MAP2K5: variants seen among roughly 807,000 people sequenced by gnomAD.
MAP2K5 encodes the protein mitogen-activated protein kinase kinase 5.
In MAP2K5, 49 loss-of-function variants were observed where a neutral mutation model predicts 83.1. The ratio of observed to expected loss-of-function variants is 0.59; its 90% CI spans 0.47 to 0.75. The LOEUF is 0.75. Ranked by LOEUF, MAP2K5 falls within the 30% of genes least tolerant of loss-of-function variation. The probability of loss-of-function intolerance (pLI) is 0.00; values close to 1 mark genes in which losing one functional copy is unlikely to be tolerated. For synonymous variants in MAP2K5, 202 were observed against 191.8 expected (o/e 1.05, Z -0.44); for missense variants, 457 against 557.5 (o/e 0.82, Z 1.82).
At chr15:67,709,874 C>T (rs1295160794) in intron 16 of MAP2K5, among the ~76,000 whole-genome samples, 10 of 152,190 alleles carry the variant, frequency 6.6e-5, no homozygotes, top group Admixed American at 6.5e-4. Flanking sequence ...AAAAAGGCAC[C>T]AAGCCAGTCC....
intron 3 of MAP2K5, among the ~76,000 whole-genome samples, chr15:67,567,059 T>C (rs1234449778): frequency 6.6e-6 from 1 of 152,224 alleles, no homozygotes; most frequent in African/African-American, 2.4e-5. Context: ...TTTTCTTCAT[T>C]AGAGATATTT....
chr15:67,723,371 G>T (rs552789419), intron 16 of MAP2K5, among the ~76,000 whole-genome samples: 4 of 152,206 alleles, frequency 2.6e-5, no homozygotes, highest in African/African-American at 9.6e-5. Flanking sequence ...GATTGTGGTT[G>T]GCCAAGTCAA....
intron 8 of MAP2K5, among the ~76,000 whole-genome samples, chr15:67,610,208 A>G (rs1002167834): frequency 3.3e-5 from 5 of 152,204 alleles, no homozygotes; most frequent in South Asian, 2.1e-4. Context: ...TTGAAAGTCA[A>G]TGATGTATCA....
At chr15:67,673,353 G>A (rs1331870179) in intron 13 of MAP2K5, among the ~76,000 whole-genome samples, 10 of 151,962 alleles carry the variant, frequency 6.6e-5, no homozygotes. Flanking sequence ...AAATAGTGTA[G>A]GCAGGTAAAT....
intron 13 of MAP2K5, among the ~76,000 whole-genome samples, chr15:67,675,999 C>T (rs2087672854): frequency 6.6e-6 from 1 of 152,128 alleles, no homozygotes; most frequent in African/African-American, 2.4e-5. Flanking sequence ...CTCTAAAAGC[C>T]TTCTGACTTG....
At chr15:67,590,468 T>TCTCTCTCTCTCTCTCTCTCC (rs59998974) in intron 6 of MAP2K5, among the ~76,000 whole-genome samples, 1 of 27,226 alleles carries the variant, frequency 3.7e-5, no homozygotes, top group Non-Finnish European at 7.5e-5. Context: ...TCTCTCTCTC[T>TCTCTCTCTCTCTCTCTCTCC]CTCTCTCTTT....
chr15:67,543,308 C>G lies in MAP2K5; in HGVS notation c.-28C>G, dbSNP rs1196638625. ...CCAGCGGCCAGTGGGTTTCCCATAC[C>G]CCAGGATGTGAGCCTCTTTAACCTG... On this transcript the variant is annotated 5_prime_UTR_variant, in exon 1 of 22. Coordinates refer to ENST00000178640, the MANE Select transcript of MAP2K5 (RefSeq NM_145160.3). The surrounding 1 kb of genome is among the most constrained non-coding windows in gnomAD (Gnocchi z 4.3). 6.2e-7 allele frequency: 1 copy of G among 1,613,916 alleles called. No individual in the cohort carries two copies. Among genetic ancestry groups the G allele is most frequent in the Non-Finnish European group, 8.5e-7 (1 of 1,179,864 alleles).
chr15:67,662,495 G>C (rs953867112), intron 12 of MAP2K5, among the ~76,000 whole-genome samples: 1 of 152,158 alleles, frequency 6.6e-6, no homozygotes, highest in African/African-American at 2.4e-5. Context: ...ATAGTGATTT[G>C]TTCAGTGTAT....
chr15:67,753,616 G>A (rs888943217), intron 19 of MAP2K5, among the ~76,000 whole-genome samples: 7 of 151,958 alleles, frequency 4.6e-5, no homozygotes, highest in African/African-American at 1.7e-4. Context: ...TTAAGGAAAT[G>A]CAAATCAAAA....
At chr15:67,623,588 T>TA (rs2086236549) in intron 8 of MAP2K5, among the ~76,000 whole-genome samples, 1 of 129,348 alleles carries the variant, frequency 7.7e-6, no homozygotes, top group Non-Finnish European at 1.6e-5. Context: ...TTTGAAAACT[T>TA]ACTATCTTCC....
In MAP2K5 at chr15:67,806,752, G is replaced by A; in HGVS notation, c.*2G>A. On this transcript the variant is annotated 3_prime_UTR_variant, in exon 22 of 22. Coordinates refer to ENST00000178640, the MANE Select transcript of MAP2K5 (RefSeq NM_145160.3). ...CGGAGCCAGCAGGGGCCCCCGTGAG[G>A]CTGCCGCAGGGCACTGAAAGCCCAG... 1 of 1,558,448 alleles carries A rather than the reference G, an allele frequency of 6.4e-7. No homozygotes were observed.
intron 16 of MAP2K5, among the ~76,000 whole-genome samples, chr15:67,713,977 C>G (rs770730394): frequency 1.3e-4 from 20 of 152,162 alleles, no homozygotes; most frequent in Non-Finnish European, 5.9e-5. Context: ...GTTTGTCACT[C>G]CAAGTGTCAG....
rs148378812 is a variant in MAP2K5 at position 67,607,580 on chromosome 15, C to T, written c.545+6831C>T. Among the ~76,000 whole-genome samples the T allele has an allele frequency of 9.0e-4, 137 of 152,304 alleles. 1 individual carries two copies. The highest frequency in any genetic ancestry group is 6.8e-3 in the Middle Eastern group (2 of 294). On this transcript the variant is annotated intron_variant, in intron 8 of 21. Coordinates refer to ENST00000178640, the MANE Select transcript of MAP2K5 (RefSeq NM_145160.3). The stretch of plus-strand genomic sequence containing the variant: ...AGGTCGCTGAGCAGAGATTTTCAGA[C>T]TCAGTTTCCACCCGAATTAACTATT...
chr15:67,807,019 TC>T lies in MAP2K5; in HGVS notation c.*272del. On this transcript the variant is annotated 3_prime_UTR_variant, in exon 22 of 22. Transcript: ENST00000178640. The surrounding 1 kb of genome is among the most constrained non-coding windows in gnomAD (Gnocchi z 5.1). ...GCATTGAGAATGGAGGCTCCCAGGG[TC>T]CCTGCCCACTTCTGTTTTCCTAATG... is the stretch of plus-strand genomic sequence containing the variant. The T allele has an allele frequency of 7.3e-7, 1 of 1,375,762 alleles. No individual in the cohort carries two copies. Among genetic ancestry groups the T allele is most frequent in the Non-Finnish European group, 9.6e-7 (1 of 1,042,224 alleles). 85.2% of individuals were successfully genotyped at this position (1,375,762 alleles called of 1,614,324 possible). A position where few individuals can be genotyped will look rare whatever the true frequency, so the allele number is the denominator to read the frequency against.
intron 13 of MAP2K5, among the ~76,000 whole-genome samples, chr15:67,667,523 A>G (rs2087411466): frequency 6.6e-6 from 1 of 152,124 alleles, no homozygotes. Context: ...TTGTGAGAGG[A>G]CAGTGAAAAG....
At chr15:67,710,234 G>A (rs543468874) in intron 16 of MAP2K5, among the ~76,000 whole-genome samples, 2 of 152,280 alleles carry the variant, frequency 1.3e-5, no homozygotes, top group South Asian at 2.1e-4. Context: ...CTTTCTGCCT[G>A]TTTGCCACCC....
intron 8 of MAP2K5, among the ~76,000 whole-genome samples, chr15:67,609,288 T>G (rs2085852698): frequency 6.6e-6 from 1 of 152,090 alleles, no homozygotes; most frequent in Admixed American, 6.6e-5. Flanking sequence ...TACAGTCCAG[T>G]TGTGAACAAG....
chr15:67,773,035 A>C (rs1240482743), intron 21 of MAP2K5, among the ~76,000 whole-genome samples: 3 of 152,172 alleles, frequency 2.0e-5, no homozygotes, highest in African/African-American at 7.2e-5. Flanking sequence ...ATTTGCTATT[A>C]AACCTTTTAG....
rs2088909256 is a variant in MAP2K5, at chr15:67,719,771, T to A, written c.1045-8145T>A. On this transcript the variant is annotated intron_variant, in intron 16 of 21. Transcript: ENST00000178640. The surrounding 1 kb of genome is among the most constrained non-coding windows in gnomAD (Gnocchi z 4.6). ...TTCCAGATAGGAAAACTGCCCTCAG[T>A]GTTGCATTTTGAGCTATGCAAACAT... Among the ~76,000 whole-genome samples, 2 of 152,226 alleles carry A rather than the reference T, an allele frequency of 1.3e-5. No homozygotes were observed.
Sources: gnomAD v4.1 joint callset for allele counts (sites outside exome capture counted in the v4.1 genomes callset) on GRCh38, gnomAD v4.1.1 for gene constraint, Gnocchi (gnomAD v3.1) non-coding constraint, MANE v1.5 for transcripts, NCBI Gene and HGNC (gene_info 2026-07-23, HGNC 2026-07-21) for gene names.